Variants in CALN1 observed in about 807,000 individuals in gnomAD.
The protein encoded by CALN1 is calneuron 1, also known as calcium-binding protein 8.
A neutral mutation model predicts 30.6 loss-of-function variants in CALN1; 17 were observed. The ratio of observed to expected loss-of-function variants is 0.56; its 90% CI spans 0.38 to 0.83. CALN1 has a LOEUF of 0.83. CALN1 is among the 40% of genes least tolerant of loss of function. CALN1 has a pLI of 0.00. For synonymous variants in CALN1, 156 were observed against 131.4 expected, an observed-to-expected ratio of 1.19 and a Z score of -1.28; for missense variants, 291 against 354.9, an observed-to-expected ratio of 0.82 and a Z score of 1.45.
At chr7:72,202,180 C>T (rs1477934167) in intron 3 of CALN1, among the ~76,000 whole-genome samples, 3 of 152,066 alleles carry the variant, frequency 2.0e-5, no homozygotes, top group Admixed American at 6.6e-5. Context: ...TAAATATCCA[C>T]ATGGAGATAT....
intron 4 of CALN1, among the ~76,000 whole-genome samples, chr7:72,028,653 T>C (rs1332566132): frequency 6.6e-6 from 1 of 152,182 alleles, no homozygotes; most frequent in Non-Finnish European, 1.5e-5. Context: ...AATTCCAGAT[T>C]GGCCAATGTA....
chr7:72,404,427 G>C (rs548710322), intron 1 of CALN1, among the ~76,000 whole-genome samples: 2 of 152,118 alleles, frequency 1.3e-5, no homozygotes, highest in Non-Finnish European at 2.9e-5. Flanking sequence ...CAATAATAAA[G>C]ACAAACAAAG....
At chr7:72,203,994 T>C (rs931753104) in intron 3 of CALN1, among the ~76,000 whole-genome samples, 8 of 122,754 alleles carry the variant, frequency 6.5e-5, no homozygotes, top group Non-Finnish European at 1.2e-4. Context: ...TTTTTTTTTT[T>C]TTTTTTTTTT....
intron 5 of CALN1, among the ~76,000 whole-genome samples, chr7:71,972,847 C>T (rs1034765707): frequency 1.3e-5 from 2 of 152,184 alleles, no homozygotes; most frequent in Non-Finnish European, 2.9e-5. Flanking sequence ...ACCTGCAAGG[C>T]GTGTGGGCAG....
At chr7:72,181,918 C>A (rs1462536123) in intron 3 of CALN1, among the ~76,000 whole-genome samples, 1 of 152,160 alleles carries the variant, frequency 6.6e-6, no homozygotes, top group Non-Finnish European at 1.5e-5. Flanking sequence ...CCAGCACTAT[C>A]CAAAGTAACT....
intron 3 of CALN1, among the ~76,000 whole-genome samples, chr7:72,180,502 AC>A (rs1486031481): frequency 1.4e-5 from 2 of 147,228 alleles, no homozygotes; most frequent in Non-Finnish European, 3.0e-5. Flanking sequence ...TTATTCATTG[AC>A]ATCTTCATAC....
At chr7:72,221,923 C>T (rs1251617103) in intron 3 of CALN1, among the ~76,000 whole-genome samples, 1 of 150,744 alleles carries the variant, frequency 6.6e-6, no homozygotes, top group Non-Finnish European at 1.5e-5. Flanking sequence ...GACTGGGTAA[C>T]CTATAAAGAA....
chr7:72,321,466 T>C (rs1407263078), intron 2 of CALN1, among the ~76,000 whole-genome samples: 1 of 152,154 alleles, frequency 6.6e-6, no homozygotes, highest in Non-Finnish European at 1.5e-5. Flanking sequence ...TTACAAGTGT[T>C]CTCTATGGGT....
intron 2 of CALN1, among the ~76,000 whole-genome samples, chr7:72,402,307 C>T (rs1445426514): frequency 6.6e-6 from 1 of 152,202 alleles, no homozygotes; most frequent in African/African-American, 2.4e-5. Flanking sequence ...GCTCCCTGCT[C>T]ATGGGAGAAA....
At chr7:72,046,275 C>T (rs1423638225) in intron 4 of CALN1, among the ~76,000 whole-genome samples, 1 of 152,074 alleles carries the variant, frequency 6.6e-6, no homozygotes, top group Non-Finnish European at 1.5e-5. Context: ...CTTTTTCTTG[C>T]CCAGGCCGGA....
At chr7:72,376,413 C>T (rs996431568) in intron 2 of CALN1, among the ~76,000 whole-genome samples, 1 of 152,182 alleles carries the variant, frequency 6.6e-6, no homozygotes, top group Non-Finnish European at 1.5e-5. Flanking sequence ...TTATCACCAA[C>T]CTAGTGGGTT....
chr7:72,251,689 C>A (rs976413975), intron 3 of CALN1, among the ~76,000 whole-genome samples: 1 of 152,146 alleles, frequency 6.6e-6, no homozygotes, highest in Non-Finnish European at 1.5e-5. Flanking sequence ...GCATAAGCCA[C>A]CATGCCGTAG....
intron 3 of CALN1, among the ~76,000 whole-genome samples, chr7:72,135,581 C>A (rs529973465): frequency 6.6e-6 from 1 of 152,238 alleles, no homozygotes; most frequent in South Asian, 2.1e-4. Flanking sequence ...TTAAAATATT[C>A]AATAAACCAT....
chr7:72,297,227 C>G (rs1175038095), intron 2 of CALN1, among the ~76,000 whole-genome samples: 1 of 152,042 alleles, frequency 6.6e-6, no homozygotes, highest in Non-Finnish European at 1.5e-5. Context: ...TTTAAATGTT[C>G]TCTTTTATCT....
the CALN1 span, among the ~76,000 whole-genome samples, chr7:72,473,121 T>G: frequency 1.3e-5 from 2 of 148,800 alleles, no homozygotes; most frequent in East Asian, 1.9e-4. Flanking sequence ...TTCTTTTTGT[T>G]TTTTTTTTTT....
chr7:71,965,630 C>A (rs1269956014), intron 5 of CALN1, among the ~76,000 whole-genome samples: 4 of 152,126 alleles, frequency 2.6e-5, no homozygotes, highest in Non-Finnish European at 5.9e-5. Flanking sequence ...AGCTAAATTC[C>A]TACATAGGGA....
intron 5 of CALN1, among the ~76,000 whole-genome samples, chr7:71,993,357 T>C (rs1403245743): frequency 2.6e-5 from 4 of 152,258 alleles, no homozygotes; most frequent in Non-Finnish European, 4.4e-5. Flanking sequence ...TCCTAGCTAC[T>C]TGGGAGGCTG....
At chr7:72,452,382 C>T in the CALN1 span, among the ~76,000 whole-genome samples, 1 of 152,164 alleles carries the variant, frequency 6.6e-6, no homozygotes, top group South Asian at 2.1e-4. Context: ...GGGTGGATCC[C>T]TTATGGATGG....
chr7:71,909,678 CA>C (rs1177075204), intron 5 of CALN1, among the ~76,000 whole-genome samples: 3 of 152,150 alleles, frequency 2.0e-5, no homozygotes, highest in Non-Finnish European at 1.5e-5. Context: ...AGTTGCAAGG[CA>C]GATTTCTCCC....
Sources: gnomAD v4.1 joint callset for allele counts (sites outside exome capture counted in the v4.1 genomes callset) on GRCh38, gnomAD v4.1.1 for gene constraint, MANE v1.5 for transcripts, NCBI Gene and HGNC (gene_info 2026-07-23, HGNC 2026-07-21) for gene names.